The following TRANK1 variants were observed in gnomAD, a reference collection of about 807,000 sequenced individuals.
TRANK1 encodes TPR and ankyrin repeat-containing protein 1.
TRANK1 carries 198 observed loss-of-function variants against 266.0 expected under a neutral mutation model. The observed-to-expected ratio is 0.74, with a 90% CI of 0.66 to 0.84. TRANK1 has a LOEUF of 0.84. Among genes scored for constraint, TRANK1 ranks in the 40% least tolerant of loss-of-function variants. TRANK1 has a pLI of 0.00. For missense variants in TRANK1, 3,326 were observed against 3,634.6 expected, an observed-to-expected ratio of 0.92 and a Z score of 2.18; for synonymous variants, 1,396 against 1,384.1, an observed-to-expected ratio of 1.01 and a Z score of -0.19.
chr3:36,877,818 T>C (rs1003319933), intron 8 of TRANK1, among the ~76,000 whole-genome samples: 3 of 152,208 alleles, frequency 2.0e-5, no homozygotes, highest in Non-Finnish European at 4.4e-5. Context: ...TGTCTGAATT[T>C]TTTAAAGGAA....
At chr3:36,930,307 G>A (rs567404799) in intron 1 of TRANK1, among the ~76,000 whole-genome samples, 2 of 152,146 alleles carry the variant, frequency 1.3e-5, no homozygotes, top group Admixed American at 1.3e-4. Flanking sequence ...TAAGAAAATG[G>A]GGACCTGAGT....
At chr3:36,878,224 T>C (rs1007354990) in intron 8 of TRANK1, among the ~76,000 whole-genome samples, 1 of 152,188 alleles carries the variant, frequency 6.6e-6, no homozygotes. Flanking sequence ...GTTGCCACTC[T>C]TGAGAATCTA....
At chr3:36,842,946 A>C (rs1005701027) in intron 17 of TRANK1, among the ~76,000 whole-genome samples, 1 of 152,282 alleles carries the variant, frequency 6.6e-6, no homozygotes, top group Non-Finnish European at 1.5e-5. Flanking sequence ...GTGTCCTTAG[A>C]AGAAATTAGA....
At chr3:36,916,118 G>C (rs1183732589) in intron 1 of TRANK1, among the ~76,000 whole-genome samples, 3 of 152,172 alleles carry the variant, frequency 2.0e-5, no homozygotes, top group African/African-American at 7.2e-5. Context: ...GCCACAACTG[G>C]CTACTGTACA....
At chr3:36,873,267 A>G (rs192095664) in intron 9 of TRANK1, among the ~76,000 whole-genome samples, 43 of 152,366 alleles carry the variant, frequency 2.8e-4, no homozygotes, top group Admixed American at 1.7e-3. Context: ...TAAGTCTACT[A>G]TCTATGCCTC....
intron 15 of TRANK1, chr3:36,850,508 C>G (rs770338099): frequency 2.0e-6 from 2 of 985,358 alleles, no homozygotes; most frequent in Non-Finnish European, 2.4e-6. Context: ...GTGGCTCATG[C>G]TTATAATCTC....
At chr3:36,864,211 G>C in intron 10 of TRANK1, 108 bp downstream of exon 10, 2 of 1,216,640 alleles carry the variant, frequency 1.6e-6, no homozygotes, top group Non-Finnish European at 2.2e-6. Flanking sequence ...TTTACATGTA[G>C]ATACATTATT....
chr3:36,879,777 T>TAA lies in TRANK1; in HGVS notation c.908-5482_908-5481insTT, dbSNP rs1354594609. Among the ~76,000 whole-genome samples the TAA allele has an allele frequency of 3.1e-3, 259 of 84,294 alleles. 51 individuals carry two copies. Among genetic ancestry groups the TAA allele is most frequent in the South Asian group, 0.023 (67 of 2,860 alleles). 55.3% of individuals were successfully genotyped at this position (84,294 alleles called of 152,430 possible). A position where few individuals can be genotyped will look rare whatever the true frequency, so the allele number is the denominator to read the frequency against. On this transcript the variant is annotated intron_variant, in intron 8 of 23. Coordinates refer to ENST00000645898, the MANE Select transcript of TRANK1 (RefSeq NM_001329998.2). ...ATATATATAAATATATATAAATATA[T>TAA]ATAAATATGTAAATATATAAATATA...
Position 36,857,290 on chromosome 3 carries a change from T to C in TRANK1, c.2432A>G (p.Asn811Ser), listed in dbSNP as rs2079070133. The change falls in exon 13 of 24, where the codon AAT becomes AGT. Residue 811 changes from asparagine (N) to serine (S), a missense_variant. Coordinates refer to ENST00000645898, the MANE Select transcript of TRANK1 (RefSeq NM_001329998.2). The surrounding 1 kb of genome is among the most constrained non-coding windows in gnomAD (Gnocchi z 4.3). The part of the protein sequence containing the change: ...VPDDNRGKEG[N>S]DDQDDWSTQE... ...CGTGCTCCAGTCATCCTGATCATCA[T>C]TGCCCTCCTTCCCCCTGTTATCATC... The C allele has an allele frequency of 2.5e-6, 4 of 1,610,176 alleles. No individual in the cohort carries two copies. In the Admixed American group the frequency reaches 5.0e-5, roughly 20 times the overall value.
chr3:36,831,096 C>A lies in TRANK1; in HGVS notation c.8487G>T (p.Arg2829Ser), dbSNP rs17035654. Residue 2829 changes from arginine to serine, a missense_variant, in exon 22 of 24, where the codon AGG becomes AGT. Coordinates refer to ENST00000645898, the MANE Select transcript of TRANK1 (RefSeq NM_001329998.2). The surrounding 1 kb of genome is among the most constrained non-coding windows in gnomAD (Gnocchi z 5.0). ...EQHIHLEHHQ[R>S]QQVAYQKYSE... ...AGTATTTCTGGTAGGCCACTTGCTGCCTCTGGTGGTGTTCTAGATGGATAT... is the reference window on the plus strand; with the variant it reads ...AGTATTTCTGGTAGGCCACTTGCTGACTCTGGTGGTGTTCTAGATGGATAT... 2 of 1,613,906 alleles carry A rather than the reference C, an allele frequency of 1.2e-6. No individual in the cohort carries two copies. The highest frequency in any genetic ancestry group is 4.5e-5 in the East Asian group (2 of 44,880).
chr3:36,892,621 G>T (rs1377073377), intron 6 of TRANK1, among the ~76,000 whole-genome samples: 1 of 152,116 alleles, frequency 6.6e-6, no homozygotes, highest in African/African-American at 2.4e-5. Context: ...CTGAGGTCAG[G>T]AGTTCAAGAC....
rs1473467652 is a variant in TRANK1 at position 36,856,364 on chromosome 3, C to T, written c.3358G>A (p.Glu1120Lys). 7 of 1,583,822 alleles carry T rather than the reference C, an allele frequency of 4.4e-6. No homozygotes were observed. Among genetic ancestry groups the T allele is most frequent in the Admixed American group, 1.9e-5 (1 of 53,782 alleles). ...AKQVWLKRRL[E>K]VEPGKESPGG... ...GGACTCTCTTTTCCGGGTTCCACTT[C>T]CAACCTTCTCTTCAGCCAGACCTGT... Residue 1120 changes from glutamate to lysine, a missense_variant, in exon 13 of 24, where the codon GAA becomes AAA. Glu to Lys is a moderately conservative substitution (Grantham distance 56, BLOSUM62 1). Transcript: ENST00000645898.
chr3:36,834,041 C>T (rs2078735011), intron 21 of TRANK1, 122 bp from the exon 22 acceptor site: 5 of 986,064 alleles, frequency 5.1e-6, no homozygotes, highest in Non-Finnish European at 7.1e-6. Context: ...CAAAATAAAA[C>T]CTAAACTTGT....
intron 8 of TRANK1, among the ~76,000 whole-genome samples, chr3:36,883,729 C>G (rs1368444876): frequency 6.6e-6 from 1 of 152,168 alleles, no homozygotes; most frequent in Non-Finnish European, 1.5e-5. Context: ...TTAAGCCTAT[C>G]TTTTGTAAAG....
At chr3:36,871,964 T>C (rs1053034552) in intron 9 of TRANK1, among the ~76,000 whole-genome samples, 4 of 152,234 alleles carry the variant, frequency 2.6e-5, no homozygotes, top group Admixed American at 6.5e-5. Flanking sequence ...GGAGTGTTTC[T>C]AGGGAAGCAC....
chr3:36,847,363 AAG>A lies in TRANK1; in HGVS notation c.4888-19_4888-18del. The A allele has an allele frequency of 1.2e-6, 2 of 1,612,692 alleles. No individual in the cohort carries two copies. Among genetic ancestry groups the A allele is most frequent in the Admixed American group, 3.3e-5 (2 of 59,886 alleles). ...CTTATAAGCCTGAACAACAACAAAA[AAG>A]TGAAGACCAACAGAATATGCTTTTG... On this transcript the variant is annotated intron_variant, in intron 15 of 23. Transcript: ENST00000645898.
Position 36,886,687 on chromosome 3 carries a change from C to T in TRANK1, c.907+3142G>A, listed in dbSNP as rs567600252. ...CAGCACTTTGGGAGGCTGAGGCTGGCGGATCACAAGGTCAGGAGATCGAGA... is the reference window on the plus strand; with the variant it reads ...CAGCACTTTGGGAGGCTGAGGCTGGTGGATCACAAGGTCAGGAGATCGAGA... On this transcript the variant is annotated intron_variant, in intron 8 of 23. Transcript: ENST00000645898. 4.0e-5 allele frequency among the ~76,000 whole-genome samples: 6 copies of T among 151,676 alleles called. No individual in the cohort carries two copies. The South Asian group carries it at 1.0e-3, about 26-fold the overall frequency.
At chr3:36,854,999 G>A (rs1429077973) in intron 13 of TRANK1, among the ~76,000 whole-genome samples, 174 bp downstream of exon 13, 1 of 152,212 alleles carries the variant, frequency 6.6e-6, no homozygotes, top group Non-Finnish European at 1.5e-5. Flanking sequence ...AACTTAAGGA[G>A]CAGTGGCCAA....
rs116461013 is a variant in TRANK1, at chr3:36,887,212, T to C, written c.907+2617A>G. Among the ~76,000 whole-genome samples, 657 of 152,310 alleles carry C rather than the reference T, an allele frequency of 4.3e-3. 6 individuals carry two copies. The highest frequency in any genetic ancestry group is 0.015 in the African/African-American group (625 of 41,580). ...GGCACATTCTTTAACCATAAATTAC[T>C]AGGCTAATGTTAGCTTTAGCACAGT... On this transcript the variant is annotated intron_variant, in intron 8 of 23. Coordinates refer to ENST00000645898, the MANE Select transcript of TRANK1 (RefSeq NM_001329998.2).
Sources: allele counts gnomAD v4.1 joint callset (sites outside exome capture counted in the v4.1 genomes callset), GRCh38; gene constraint gnomAD v4.1.1; non-coding constraint Gnocchi (gnomAD v3.1); transcripts MANE v1.5; gene names NCBI Gene and HGNC (gene_info 2026-07-23, HGNC 2026-07-21).